The following PTPRD variants were observed in gnomAD, a reference collection of about 807,000 sequenced individuals.
PTPRD encodes protein tyrosine phosphatase receptor type D.
Under a neutral mutation model 214.5 loss-of-function variants are expected in PTPRD, and 34 were observed. That is an observed-to-expected ratio of 0.16 (90% CI 0.12 to 0.21). The LOEUF (loss-of-function observed/expected upper bound fraction) is 0.21. Among genes scored for constraint, PTPRD ranks in the 10% least tolerant of loss-of-function variants. PTPRD has a pLI of 1.00. For synonymous variants in PTPRD, 1,128 were observed against 845.7 expected, an observed-to-expected ratio of 1.33 and a Z score of -5.79; for missense variants, 2,545 against 2,398.7, an observed-to-expected ratio of 1.06 and a Z score of -1.27.
chr9:8,668,995 C>G (rs953534210), intron 12 of PTPRD, among the ~76,000 whole-genome samples: 11 of 152,056 alleles, frequency 7.2e-5, no homozygotes, highest in African/African-American at 2.7e-4. Context: ...AGAAGAGGAT[C>G]AAAGAGGAGC....
intron 3 of PTPRD, among the ~76,000 whole-genome samples, chr9:10,248,380 T>G (rs72696995): frequency 0.014 from 2,202 of 151,998 alleles, 29 homozygotes; most frequent in Admixed American, 0.022. Context: ...CAGCACTTAT[T>G]GAAGAAAAAC....
intron 5 of PTPRD, among the ~76,000 whole-genome samples, chr9:9,906,256 G>T (rs2077539279): frequency 6.6e-6 from 1 of 151,932 alleles, no homozygotes; most frequent in African/African-American, 2.4e-5. Context: ...AAGAAAAAAA[G>T]AGTTAATTCA....
intron 3 of PTPRD, among the ~76,000 whole-genome samples, chr9:10,314,131 G>A (rs144578479): frequency 1.6e-4 from 25 of 151,998 alleles, no homozygotes; most frequent in African/African-American, 2.9e-4. Context: ...AGAATGTTAC[G>A]AAGCAGGAAA....
At chr9:9,025,679 G>C (rs1006739548) in intron 10 of PTPRD, among the ~76,000 whole-genome samples, 1 of 151,912 alleles carries the variant, frequency 6.6e-6, no homozygotes, top group Non-Finnish European at 1.5e-5. Context: ...GGGTAAGGAA[G>C]ATATTGTAAT....
At chr9:9,428,443 C>G (rs954441456) in intron 8 of PTPRD, among the ~76,000 whole-genome samples, 5 of 152,172 alleles carry the variant, frequency 3.3e-5, no homozygotes, top group Admixed American at 6.5e-5. Flanking sequence ...GACTCCCACA[C>G]AATAATAATC....
chr9:10,172,263 T>C (rs566697964), intron 3 of PTPRD, among the ~76,000 whole-genome samples: 1 of 152,270 alleles, frequency 6.6e-6, no homozygotes, highest in African/African-American at 2.4e-5. Context: ...TCAAAATCTC[T>C]TGCAGCCTAT....
intron 7 of PTPRD, among the ~76,000 whole-genome samples, chr9:9,734,110 C>T (rs1284764268): frequency 6.6e-6 from 1 of 152,150 alleles, no homozygotes. Context: ...CAGCATTGTA[C>T]TACTGAAAAA....
chr9:9,370,972 A>G (rs2059332150), intron 9 of PTPRD, among the ~76,000 whole-genome samples: 1 of 152,148 alleles, frequency 6.6e-6, no homozygotes, highest in South Asian at 2.1e-4. Flanking sequence ...CCACTTGATC[A>G]TGGTGGATAA....
At chr9:8,837,331 A>G (rs2097451624) in intron 11 of PTPRD, among the ~76,000 whole-genome samples, 1 of 152,102 alleles carries the variant, frequency 6.6e-6, no homozygotes, top group African/African-American at 2.4e-5. Context: ...TATTTTAAAA[A>G]CAAGAGATAG....
chr9:10,433,511 A>T (rs2154521337), intron 2 of PTPRD, among the ~76,000 whole-genome samples: 1 of 152,078 alleles, frequency 6.6e-6, no homozygotes, highest in South Asian at 2.1e-4. Flanking sequence ...ATATTACAGC[A>T]TTATTATTCT....
intron 4 of PTPRD, among the ~76,000 whole-genome samples, chr9:9,970,200 C>T (rs1450466819): frequency 3.3e-5 from 5 of 152,036 alleles, no homozygotes; most frequent in Non-Finnish European, 7.4e-5. Context: ...AAAAGAATTA[C>T]TTTACTTTGG....
intron 3 of PTPRD, among the ~76,000 whole-genome samples, chr9:10,162,677 A>G (rs1243296420): frequency 6.8e-6 from 1 of 147,414 alleles, no homozygotes; most frequent in South Asian, 2.1e-4. Context: ...ATGTATATAC[A>G]TGTATATATG....
intron 44 of PTPRD, among the ~76,000 whole-genome samples, chr9:8,327,530 C>T (rs111510895): frequency 6.6e-6 from 1 of 152,114 alleles, no homozygotes; most frequent in African/African-American, 2.4e-5. Context: ...GTGGAGAGTT[C>T]TGTAGATGTG....
At chr9:10,420,738 G>T (rs2098538187) in intron 2 of PTPRD, among the ~76,000 whole-genome samples, 1 of 151,646 alleles carries the variant, frequency 6.6e-6, no homozygotes, top group African/African-American at 2.4e-5. Flanking sequence ...TAACAGATTT[G>T]AGCTACATTT....
intron 2 of PTPRD, among the ~76,000 whole-genome samples, chr9:10,366,334 A>G (rs544452874): frequency 1.5e-4 from 23 of 152,312 alleles, no homozygotes; most frequent in African/African-American, 5.5e-4. Flanking sequence ...CGGAAGGCTC[A>G]TAAAGGTGAG....
intron 11 of PTPRD, among the ~76,000 whole-genome samples, chr9:8,929,159 T>G (rs2098926625): frequency 6.6e-6 from 1 of 152,130 alleles, no homozygotes; most frequent in South Asian, 2.1e-4. Context: ...CTTCCTCCTT[T>G]CCTAACTGAA....
intron 14 of PTPRD, among the ~76,000 whole-genome samples, chr9:8,569,406 T>C (rs913200390): frequency 2.0e-5 from 3 of 152,112 alleles, no homozygotes; most frequent in Admixed American, 6.6e-5. Flanking sequence ...AGTCCTCTGC[T>C]ACAGACAGGC....
chr9:8,638,603 G>A (rs2096499679), intron 12 of PTPRD, among the ~76,000 whole-genome samples: 1 of 152,172 alleles, frequency 6.6e-6, no homozygotes, highest in Non-Finnish European at 1.5e-5. Flanking sequence ...GGGAAGTTCA[G>A]AAGAGGCATA....
At chr9:9,300,213 T>C (rs1397104981) in intron 9 of PTPRD, among the ~76,000 whole-genome samples, 1 of 151,330 alleles carries the variant, frequency 6.6e-6, no homozygotes, top group East Asian at 2.0e-4. Flanking sequence ...TGATTTCCTT[T>C]GTACTTGGGA....
Sources: allele counts gnomAD v4.1 joint callset (sites outside exome capture counted in the v4.1 genomes callset), GRCh38; gene constraint gnomAD v4.1.1; transcripts MANE v1.5; gene names NCBI Gene and HGNC (gene_info 2026-07-23, HGNC 2026-07-21).